The following RNASEH2B variants were observed in gnomAD, a reference collection of about 807,000 sequenced individuals.
The protein encoded by RNASEH2B is ribonuclease H2 subunit B, also known as Aicardi-Goutieres syndrome 2 protein.
Under a neutral mutation model 45.0 loss-of-function variants are expected in RNASEH2B, and 36 were observed. The observed-to-expected ratio is 0.80, with a 90% CI of 0.61 to 1.06. The LOEUF (loss-of-function observed/expected upper bound fraction) is 1.06. RNASEH2B is among the 50% of genes least tolerant of loss of function. RNASEH2B has a pLI of 0.00. For synonymous variants in RNASEH2B, 119 were observed against 125.7 expected, an observed-to-expected ratio of 0.95 and a Z score of 0.35; for missense variants, 361 against 360.3, an observed-to-expected ratio of 1.00 and a Z score of -0.02.
At chr13:50,943,743 G>C (rs1318729984) in intron 6 of RNASEH2B, among the ~76,000 whole-genome samples, 1 of 152,182 alleles carries the variant, frequency 6.6e-6, no homozygotes, top group Non-Finnish European at 1.5e-5. Context: ...GTCTCCAAGG[G>C]TGATGCTTAC....
Position 50,935,853 on chromosome 13 carries a change from A to G in RNASEH2B, c.436+854A>G, listed in dbSNP as rs61564818. 0.024 allele frequency: 3,695 copies of G among 152,594 alleles called. 337 individuals carry two copies. In the East Asian group the frequency reaches 0.31, roughly 13 times the overall value. 9.5% of individuals were successfully genotyped at this position (152,594 alleles called of 1,614,324 possible). ...GTGGAGTGTCTGTGAAGTTTTAAGC[A>G]TGGCAGTCTGCAGTGTGGAGAGTAT... On this transcript the variant is annotated intron_variant, in intron 5 of 10. Transcript: ENST00000336617.
chr13:50,963,931 C>T (rs1952138966), intron 9 of RNASEH2B, among the ~76,000 whole-genome samples: 1 of 152,378 alleles, frequency 6.6e-6, no homozygotes, highest in South Asian at 2.1e-4. Flanking sequence ...GGTGCGTTGG[C>T]TCACGCCTGT....
At chr13:50,924,344 GA>G (rs1275947568) in intron 1 of RNASEH2B, among the ~76,000 whole-genome samples, 1 of 152,092 alleles carries the variant, frequency 6.6e-6, no homozygotes, top group African/African-American at 2.4e-5. Flanking sequence ...AAATGAATGG[GA>G]AAAGATATAC....
chr13:50,909,979 G>A lies in RNASEH2B; in HGVS notation c.-98G>A. On this transcript the variant is annotated 5_prime_UTR_variant, in exon 1 of 11. Transcript: ENST00000336617. Reference sequence around the variant, plus strand: ...CGCTGCCGGTCCCTCAGCGCGCCGCGCCACCCGGAACAGACCCTTCTCCCG... The same window carrying A: ...CGCTGCCGGTCCCTCAGCGCGCCGCACCACCCGGAACAGACCCTTCTCCCG... 9.2e-7 allele frequency: 1 copy of A among 1,083,864 alleles called. No individual in the cohort carries two copies. The highest frequency in any genetic ancestry group is 1.3e-6 in the Non-Finnish European group (1 of 788,900). The allele number at this position is 1,083,864 out of a possible 1,614,324, so 67.1% of individuals were successfully genotyped here.
At chr13:50,950,194 C>T (rs1951958784) in intron 9 of RNASEH2B, 1 of 152,232 alleles carries the variant, frequency 6.6e-6, no homozygotes, top group Admixed American at 6.5e-5. Context: ...AACATGTGCA[C>T]CAGCTTGTCA....
At chr13:50,941,304 A>T (rs1951830534) in intron 5 of RNASEH2B, 1 of 152,262 alleles carries the variant, frequency 6.6e-6, no homozygotes, top group South Asian at 2.1e-4. Flanking sequence ...TTTGAGCACG[A>T]GGCGGCTTCC....
At chr13:50,965,856 C>T (rs939202401) in intron 9 of RNASEH2B, among the ~76,000 whole-genome samples, 5 of 152,090 alleles carry the variant, frequency 3.3e-5, no homozygotes, top group African/African-American at 4.8e-5. Flanking sequence ...ATATTAAGCC[C>T]GCAACCTAAA....
At chr13:50,926,860 G>C (rs895352871) in intron 1 of RNASEH2B, among the ~76,000 whole-genome samples, 1 of 150,568 alleles carries the variant, frequency 6.6e-6, no homozygotes, top group African/African-American at 2.4e-5. Flanking sequence ...ATATCCCACT[G>C]GGAAATTAGG....
chr13:50,969,928 C>G (rs1414851758), intron 9 of RNASEH2B: 16 of 1,551,476 alleles, frequency 1.0e-5, no homozygotes, highest in African/African-American at 1.4e-5. Context: ...CCTTTCCTCT[C>G]TAGATGGCAG....
chr13:50,914,636 A>G lies in RNASEH2B; in HGVS notation c.64+4496A>G, dbSNP rs142388682. 3.9e-5 allele frequency among the ~76,000 whole-genome samples: 6 copies of G among 152,248 alleles called. No homozygotes were observed. In the East Asian group the frequency reaches 9.6e-4, roughly 24 times the overall value. ...GGCCACTGGATCTGCTCCCCTTGCT[A>G]TCTATCTGAGCACGTTCTGAAGTGG... On this transcript the variant is annotated intron_variant, in intron 1 of 10. Transcript: ENST00000336617.
intron 9 of RNASEH2B, among the ~76,000 whole-genome samples, chr13:50,965,367 C>A (rs373666693): frequency 5.3e-5 from 8 of 152,310 alleles, no homozygotes; most frequent in African/African-American, 1.9e-4. Flanking sequence ...GTGATGTTCA[C>A]ACAACAACGA....
chr13:50,918,386 C>T (rs537401153), intron 1 of RNASEH2B, among the ~76,000 whole-genome samples: 9 of 152,368 alleles, frequency 5.9e-5, no homozygotes, highest in African/African-American at 2.2e-4. Context: ...ATCCGCCCGC[C>T]TCGGCCTCCC....
At chr13:50,920,815 A>G (rs974939055) in intron 1 of RNASEH2B, among the ~76,000 whole-genome samples, 2 of 152,164 alleles carry the variant, frequency 1.3e-5, no homozygotes, top group South Asian at 4.1e-4. Context: ...TGAACAATTC[A>G]TTTATGTTAT....
chr13:50,918,645 G>A (rs1951479550), intron 1 of RNASEH2B, among the ~76,000 whole-genome samples: 2 of 152,272 alleles, frequency 1.3e-5, no homozygotes, highest in South Asian at 4.1e-4. Context: ...GGAAGTGAAG[G>A]CATATAGTTA....
At position 50,962,084 on chromosome 13, in the gene RNASEH2B, G is replaced by A. The variant is rs1001875390; in HGVS notation, c.742-7848G>A. ...TCACAGTATATTATTCTTTTTATAT[G>A]TAGTATGGGGTTTTTTTCCTAATAT... On this transcript the variant is annotated intron_variant, in intron 9 of 9. Coordinates refer to the RNASEH2B transcript ENST00000422660. 2.6e-5 allele frequency among the ~76,000 whole-genome samples: 4 copies of A among 152,036 alleles called. No individual in the cohort carries two copies. The South Asian group carries it at 6.2e-4, about 24-fold the overall frequency.
intron 4 of RNASEH2B, chr13:50,934,544 A>T (rs576051127): frequency 3.8e-5 from 13 of 339,100 alleles, no homozygotes; most frequent in African/African-American, 2.5e-4. Context: ...TGGTTCTTCA[A>T]ATTGAATGGG....
chr13:50,944,070 G>A (rs530095497), intron 6 of RNASEH2B, among the ~76,000 whole-genome samples: 7 of 151,792 alleles, frequency 4.6e-5, no homozygotes, highest in Non-Finnish European at 7.4e-5. Context: ...GGGACGGGAT[G>A]GGATGGGATG....
Position 50,953,887 on chromosome 13 carries a change from A to G in RNASEH2B, c.742-18A>G. On this transcript the variant is annotated intron_variant, in intron 9 of 10. Coordinates refer to ENST00000336617, the MANE Select transcript of RNASEH2B (RefSeq NM_024570.4). ...TCAAAGTGACATTTGACACCACTTC[A>G]CTGCTCTAATGTTGCAGAAAATAAA... 1 of 1,539,224 alleles carries G rather than the reference A, an allele frequency of 6.5e-7. No individual in the cohort carries two copies. Among genetic ancestry groups the G allele is most frequent in the Non-Finnish European group, 9.0e-7 (1 of 1,112,328 alleles).
chr13:50,919,914 C>A (rs890325997), intron 1 of RNASEH2B, among the ~76,000 whole-genome samples: 26 of 152,182 alleles, frequency 1.7e-4, no homozygotes, highest in Non-Finnish European at 3.1e-4. Flanking sequence ...ATTTTACATT[C>A]ATTAGACACA....
Sources: allele counts gnomAD v4.1 joint callset (sites outside exome capture counted in the v4.1 genomes callset), GRCh38; gene constraint gnomAD v4.1.1; transcripts MANE v1.5; gene names NCBI Gene and HGNC (gene_info 2026-07-23, HGNC 2026-07-21).